The following EXT1 variants were observed in gnomAD, a reference collection of about 807,000 sequenced individuals.
The protein encoded by EXT1 is exostosin-1.
Under a neutral mutation model 82.5 loss-of-function variants are expected in EXT1, and 20 were observed. The observed-to-expected ratio is 0.24, with a 90% CI of 0.17 to 0.35. The LOEUF is 0.35. Among genes scored for constraint, EXT1 ranks in the 10% least tolerant of loss-of-function variants. The pLI is 1.00. For synonymous variants in EXT1, 348 were observed against 350.8 expected (o/e 0.99, Z 0.09); for missense variants, 757 against 936.5 (o/e 0.81, Z 2.50).
chr8:117,973,886 G>GAAAGGAAAGGAAAGAAAGA (rs747386364), intron 1 of EXT1, among the ~76,000 whole-genome samples: 1 of 67,320 alleles, frequency 1.5e-5, no homozygotes, highest in Non-Finnish European at 3.1e-5. Context: ...GAAAGGAAAG[G>GAAAGGAAAGGAAAGAAAGA]AAGGAAAGGA....
chr8:117,979,904 T>A (rs185254931), intron 1 of EXT1, among the ~76,000 whole-genome samples: 1 of 152,252 alleles, frequency 6.6e-6, no homozygotes, highest in Non-Finnish European at 1.5e-5. Context: ...ATATGTCTGC[T>A]CCCCCAATAT....
At chr8:118,098,561 C>T (rs1817660550) in intron 1 of EXT1, among the ~76,000 whole-genome samples, 1 of 152,036 alleles carries the variant, frequency 6.6e-6, no homozygotes, top group African/African-American at 2.4e-5. Context: ...TCAAGACCGT[C>T]CTGGCTAACA....
chr8:118,106,555 C>T (rs1817805786), intron 1 of EXT1, among the ~76,000 whole-genome samples: 1 of 152,210 alleles, frequency 6.6e-6, no homozygotes, highest in Non-Finnish European at 1.5e-5. Context: ...AAGAATTGCA[C>T]ACAATCTTGC....
intron 2 of EXT1, 39 bp from the exon 3 acceptor site, chr8:117,835,590 G>T (rs374804403): frequency 6.9e-7 from 1 of 1,443,480 alleles, no homozygotes. Context: ...TGAGGAAAGC[G>T]ACAGCAGAAG....
chr8:117,814,446 CT>C (rs1811758990), intron 7 of EXT1, among the ~76,000 whole-genome samples: 1 of 151,976 alleles, frequency 6.6e-6, no homozygotes, highest in African/African-American at 2.4e-5. Context: ...GTTGCAAGTC[CT>C]TCATATATAT....
intron 1 of EXT1, among the ~76,000 whole-genome samples, chr8:117,841,828 T>C (rs1285253574): frequency 2.6e-5 from 4 of 152,234 alleles, no homozygotes; most frequent in Admixed American, 6.5e-5. Context: ...AAATGGACTA[T>C]GCAATAATGC....
intron 1 of EXT1, among the ~76,000 whole-genome samples, chr8:118,025,159 G>C (rs1040714001): frequency 1.3e-5 from 2 of 152,218 alleles, no homozygotes; most frequent in Non-Finnish European, 2.9e-5. Context: ...GGAGTCATTT[G>C]CTATAAGAAG....
rs117112701 is a variant in EXT1 at position 117,978,031 on chromosome 8, G to T, written c.962+132054C>A. On this transcript the variant is annotated intron_variant, in intron 1 of 10. Coordinates refer to ENST00000378204, the MANE Select transcript of EXT1 (RefSeq NM_000127.3). Reference sequence around the variant, plus strand: ...AAGAGTGAGGTTGTCTTAACTCAGGGTCTAAAATCTTTTGAAAAGTATCTA... The same window carrying T: ...AAGAGTGAGGTTGTCTTAACTCAGGTTCTAAAATCTTTTGAAAAGTATCTA... Among the ~76,000 whole-genome samples, 238 of 152,288 alleles carry T rather than the reference G, an allele frequency of 1.6e-3. No individual in the cohort carries two copies. In the East Asian group the frequency reaches 0.02, roughly 13 times the overall value.
intron 1 of EXT1, among the ~76,000 whole-genome samples, chr8:118,086,729 A>T (rs180826832): frequency 4.6e-5 from 7 of 152,324 alleles, no homozygotes; most frequent in Admixed American, 4.6e-4. Flanking sequence ...GCAAAAAGAT[A>T]ATGTAAAAAG....
chr8:117,975,795 T>C (rs1474653516), intron 1 of EXT1, among the ~76,000 whole-genome samples: 2 of 152,242 alleles, frequency 1.3e-5, no homozygotes, highest in African/African-American at 4.8e-5. Context: ...ATAAATCCAT[T>C]TGAAAAATTA....
chr8:117,933,625 C>G (rs930539876), intron 1 of EXT1, among the ~76,000 whole-genome samples: 5 of 152,104 alleles, frequency 3.3e-5, no homozygotes, highest in African/African-American at 1.2e-4. Context: ...ATATAAGCAC[C>G]GTGAGTACTG....
chr8:117,940,774 A>G (rs1048914718), intron 1 of EXT1, among the ~76,000 whole-genome samples: 20 of 152,194 alleles, frequency 1.3e-4, no homozygotes, highest in Non-Finnish European at 7.3e-5. Context: ...AAGGATCAGT[A>G]GGAGTTTGAC....
At position 117,809,242 on chromosome 8, in the gene EXT1, T is replaced by TA. The variant is rs1554657619; in HGVS notation, c.1723-1866dup. Among the ~76,000 whole-genome samples the TA allele has an allele frequency of 8.4e-4, 118 of 141,216 alleles. 2 individuals carry two copies. The highest frequency in any genetic ancestry group is 2.9e-3 in the African/African-American group (113 of 39,388). The allele number at this position is 141,216 out of a possible 152,430, so 92.6% of individuals were successfully genotyped here. ...AAATATATATATATATATATATATA[T>TA]ATTATGTTCTATTGATTCTGTTTGC... On this transcript the variant is annotated intron_variant, in intron 8 of 10. Transcript: ENST00000378204.
At chr8:117,834,155 G>C (rs112066368) in intron 3 of EXT1, among the ~76,000 whole-genome samples, 2,358 of 152,286 alleles carry the variant, frequency 0.015, 75 homozygotes, top group African/African-American at 0.054. Context: ...CTGAGTGCCA[G>C]ACAGAAGTAA....
intron 1 of EXT1, among the ~76,000 whole-genome samples, chr8:118,089,438 T>C (rs1817483929): frequency 6.6e-6 from 1 of 152,230 alleles, no homozygotes; most frequent in African/African-American, 2.4e-5. Flanking sequence ...ATATGATTAA[T>C]CTTCTTTTCT....
chr8:118,106,844 C>T (rs1221996917), intron 1 of EXT1, among the ~76,000 whole-genome samples: 2 of 152,240 alleles, frequency 1.3e-5, no homozygotes, highest in Admixed American at 6.5e-5. Context: ...TTTTAGCTGG[C>T]ATTATCCACA....
chr8:117,896,451 T>C lies in EXT1; in HGVS notation c.963-59250A>G, dbSNP rs75012136. On this transcript the variant is annotated intron_variant, in intron 1 of 10. Transcript: ENST00000378204. ...TGAAGATAAGGGAGGAGGGAGTGTA[T>C]ATGGAGCAAAAGGAGGAAGCCAGCT... Among the ~76,000 whole-genome samples the C allele has an allele frequency of 5.3e-4, 81 of 152,126 alleles. 1 individual carries two copies. The East Asian group carries it at 0.014, about 25-fold the overall frequency.
intron 1 of EXT1, among the ~76,000 whole-genome samples, chr8:118,088,438 C>G (rs575295765): frequency 6.6e-6 from 1 of 150,972 alleles, no homozygotes; most frequent in South Asian, 2.1e-4. Flanking sequence ...AATCTGCAGC[C>G]ACCACAGAAG....
chr8:117,891,894 C>T (rs904987233), intron 1 of EXT1, among the ~76,000 whole-genome samples: 2 of 147,856 alleles, frequency 1.4e-5, no homozygotes, highest in Non-Finnish European at 3.0e-5. Context: ...GCTACCTCTG[C>T]CTCCCGGGTT....
Sources: allele counts gnomAD v4.1 joint callset (sites outside exome capture counted in the v4.1 genomes callset), GRCh38; gene constraint gnomAD v4.1.1; transcripts MANE v1.5; gene names NCBI Gene and HGNC (gene_info 2026-07-23, HGNC 2026-07-21).